The following NOS1 variants were observed in gnomAD, a reference collection of about 807,000 sequenced individuals.
NOS1 encodes the protein NOS type I.
In NOS1, 51 loss-of-function variants were observed where a neutral mutation model predicts 164.5. The observed-to-expected ratio is 0.31, with a 90% CI of 0.25 to 0.39. NOS1 has a LOEUF of 0.39. NOS1 is among the 10% of genes least tolerant of loss of function. The pLI, the probability that NOS1 is intolerant of heterozygous loss-of-function variation, is 1.00. For missense variants in NOS1, 1,362 were observed against 1,885.6 expected, an observed-to-expected ratio of 0.72 and a Z score of 5.14; for synonymous variants, 719 against 745.8, an observed-to-expected ratio of 0.96 and a Z score of 0.59.
chr12:117,253,187 A>T (rs1871217063), intron 17 of NOS1, among the ~76,000 whole-genome samples: 1 of 152,032 alleles, frequency 6.6e-6, no homozygotes, highest in African/African-American at 2.4e-5. Context: ...ATCTCTGGAG[A>T]TGGGTCTTGG....
chr12:117,234,729 G>C lies in NOS1; in HGVS notation c.3071C>G (p.Thr1024Ser), dbSNP rs1432951159. Residue 1024 changes from threonine to serine, a missense_variant, in exon 21 of 29, where the codon ACC becomes AGC. Thr to Ser is a moderately conservative substitution (Grantham distance 58, BLOSUM62 1). Transcript: ENST00000317775. This position sits in a 1 kb window ranked among gnomAD's most constrained non-coding sequence, Gnocchi z 4.3. ...GTACTGCAGCTCCTGGCTCCCGTTG[G>C]TGTGGAGACGCACGAAGATAGTTGA... ...SRSTIFVRLHTNGSQELQYQP... is the reference protein window; with the variant it reads ...SRSTIFVRLHSNGSQELQYQP... The C allele has an allele frequency of 6.2e-7, 1 of 1,613,230 alleles. No homozygotes were observed. Among genetic ancestry groups the C allele is most frequent in the Non-Finnish European group, 8.5e-7 (1 of 1,179,516 alleles).
Position 117,209,825 on chromosome 12 carries a change from G to A in NOS1, c.*5484C>T. ...ACTGGCAGTGGGCCAAGGATAGGGA[G>A]TGTGAGATAAAGGGCAGAGGCCAGG... On this transcript the variant is annotated 3_prime_UTR_variant, in exon 29 of 29. Transcript: ENST00000317775. 3 of 985,478 alleles carry A rather than the reference G, an allele frequency of 3.0e-6. No individual in the cohort carries two copies. Among genetic ancestry groups the A allele is most frequent in the East Asian group, 1.1e-4 (1 of 8,812 alleles). 61.0% of individuals were successfully genotyped at this position (985,478 alleles called of 1,614,324 possible). A position where few individuals can be genotyped will look rare whatever the true frequency, so the allele number is the denominator to read the frequency against.
chr12:117,214,049 G>A lies in NOS1; in HGVS notation c.*1260C>T, dbSNP rs549913336. On this transcript the variant is annotated 3_prime_UTR_variant, in exon 29 of 29. Transcript: ENST00000317775. ...AACTGCAGAGGGCAACAAGCCTGAGGGACAAGTTCTTCCCACCCCAAGTTG... is the reference window on the plus strand; with the variant it reads ...AACTGCAGAGGGCAACAAGCCTGAGAGACAAGTTCTTCCCACCCCAAGTTG... 3.6e-5 allele frequency: 35 copies of A among 985,402 alleles called. No individual in the cohort carries two copies. In the African/African-American group the frequency reaches 6.1e-4, roughly 17 times the overall value. The allele number at this position is 985,402 out of a possible 1,614,324, so 61.0% of individuals were successfully genotyped here.
chr12:117,248,624 C>T (rs1448011578), intron 17 of NOS1, among the ~76,000 whole-genome samples: 1 of 151,844 alleles, frequency 6.6e-6, no homozygotes, highest in East Asian at 1.9e-4. Flanking sequence ...GGTTCCAAGT[C>T]TTTGCTATTG....
In NOS1 at chr12:117,330,200, G is replaced by GTA; in HGVS notation, c.725+144_725+145insTA. The GTA allele has an allele frequency of 7.6e-7, 1 of 1,310,850 alleles. No homozygotes were observed. Among genetic ancestry groups the GTA allele is most frequent in the South Asian group, 1.9e-5 (1 of 52,388 alleles). 81.2% of individuals were successfully genotyped at this position (1,310,850 alleles called of 1,614,324 possible). A position where few individuals can be genotyped will look rare whatever the true frequency, so the allele number is the denominator to read the frequency against. On this transcript the variant is annotated intron_variant, in intron 2 of 28. Coordinates refer to ENST00000317775, the MANE Select transcript of NOS1 (RefSeq NM_000620.5). The surrounding 1 kb of genome is among the most constrained non-coding windows in gnomAD (Gnocchi z 4.6). ...ATTTTAAGTGAAGATCAAGGGGGCC[G>GTA]TCAAGTGGTTATGCAAAAACAGGTA...
chr12:117,301,438 T>A (rs925841438), intron 3 of NOS1, among the ~76,000 whole-genome samples: 1 of 152,230 alleles, frequency 6.6e-6, no homozygotes, highest in Admixed American at 6.5e-5. Context: ...CATTTCATTT[T>A]GAGTAACATT....
intron 6 of NOS1, among the ~76,000 whole-genome samples, chr12:117,285,687 C>A (rs983315923): frequency 6.6e-5 from 10 of 152,034 alleles, no homozygotes; most frequent in Non-Finnish European, 1.3e-4. Context: ...TCAAACAAAA[C>A]CCCCCTGATC....
chr12:117,220,231 C>T lies in NOS1; in HGVS notation c.4014G>A (p.Glu1338=), dbSNP rs777356915. The change falls in exon 27 of 29, where the codon GAG becomes GAA. Residue 1338 remains glutamate (E), a synonymous_variant. Transcript: ENST00000317775. ...VQDILQEQLA[E]SVYRALKEQG... Reference sequence around the variant, plus strand: ...GCTCCTTCAGGGCTCGGTACACAGACTCCGCCAGCTGCTCCTGCAGGATGT... The same window carrying T: ...GCTCCTTCAGGGCTCGGTACACAGATTCCGCCAGCTGCTCCTGCAGGATGT... 1 of 1,612,470 alleles carries T rather than the reference C, an allele frequency of 6.2e-7. No individual in the cohort carries two copies. The highest frequency in any genetic ancestry group is 1.3e-5 in the African/African-American group (1 of 74,934).
At chr12:117,307,363 G>A (rs1195230655) in intron 3 of NOS1, among the ~76,000 whole-genome samples, 1 of 151,544 alleles carries the variant, frequency 6.6e-6, no homozygotes, top group Non-Finnish European at 1.5e-5. Context: ...GCTTTTTTTT[G>A]TTTTGTTTTT....
Position 117,213,870 on chromosome 12 carries a change from T to C in NOS1, c.*1439A>G. ...TATACAAAGGGATCCCTTCCCACCA[T>C]TTACTCTGAGAGAGTAAATTCAACA... On this transcript the variant is annotated 3_prime_UTR_variant, in exon 29 of 29. Transcript: ENST00000317775. The C allele has an allele frequency of 1.0e-6, 1 of 985,380 alleles. No individual in the cohort carries two copies. The allele number at this position is 985,380 out of a possible 1,614,324, so 61.0% of individuals were successfully genotyped here.
intron 4 of NOS1, among the ~76,000 whole-genome samples, chr12:117,289,166 T>G (rs912080811): frequency 2.6e-5 from 4 of 152,176 alleles, no homozygotes; most frequent in Non-Finnish European, 5.9e-5. Context: ...ATTAAAAATA[T>G]GAAATAAAAA....
At chr12:117,257,875 G>T (rs1427679593) in intron 16 of NOS1, among the ~76,000 whole-genome samples, 5 of 150,014 alleles carry the variant, frequency 3.3e-5, no homozygotes, top group African/African-American at 9.9e-5. Flanking sequence ...TGCGATCTTG[G>T]CTCACTGCAA....
Position 117,208,295 on chromosome 12 carries a change from A to T in NOS1, c.*7014T>A. On this transcript the variant is annotated 3_prime_UTR_variant, in exon 29 of 29. Coordinates refer to ENST00000317775, the MANE Select transcript of NOS1 (RefSeq NM_000620.5). The stretch of plus-strand genomic sequence containing the variant: ...TCGCAAAGAGCGTGGGGTGGGCGTC[A>T]GTCCTTCAAGGAAGGTGCTGGAGCA... 7.8e-7 allele frequency: 1 copy of T among 1,289,100 alleles called. No homozygotes were observed. Among genetic ancestry groups the T allele is most frequent in the Non-Finnish European group, 1.0e-6 (1 of 988,650 alleles). 79.9% of individuals were successfully genotyped at this position (1,289,100 alleles called of 1,614,324 possible).
intron 10 of NOS1, among the ~76,000 whole-genome samples, chr12:117,268,876 C>T (rs41455345): frequency 0.023 from 3,447 of 152,084 alleles, 90 homozygotes; most frequent in African/African-American, 0.056. Context: ...GGATTACAGG[C>T]GTGAGCCACC....
At chr12:117,255,745 C>T (rs886762608) in intron 16 of NOS1, among the ~76,000 whole-genome samples, 7 of 152,176 alleles carry the variant, frequency 4.6e-5, no homozygotes, top group Non-Finnish European at 7.3e-5. Context: ...TCTCCCCATT[C>T]GGCAGATGAG....
intron 3 of NOS1, among the ~76,000 whole-genome samples, chr12:117,296,528 G>A (rs1275469678): frequency 1.3e-5 from 2 of 152,300 alleles, no homozygotes; most frequent in Non-Finnish European, 1.5e-5. Flanking sequence ...TGCTTCCTGC[G>A]CTTGAACATT....
chr12:117,289,784 GTTC>G lies in NOS1; in HGVS notation c.981+511_981+513del, dbSNP rs533135599. Among the ~76,000 whole-genome samples, 1,317 of 152,224 alleles carry G rather than the reference GTTC, an allele frequency of 8.7e-3. 22 individuals carry two copies. Among genetic ancestry groups the G allele is most frequent in the East Asian group, 0.049 (255 of 5,174 alleles). On this transcript the variant is annotated intron_variant, in intron 4 of 28. Transcript: ENST00000317775. ...TCTGGGAGGGAGAGTTTTTGTGTCT[GTTC>G]CCATATATTTTCTTGCAGCTGCAGG... is the stretch of plus-strand genomic sequence containing the variant.
At chr12:117,232,569 A>G (rs1869334270) in intron 21 of NOS1, among the ~76,000 whole-genome samples, 2 of 152,152 alleles carry the variant, frequency 1.3e-5, no homozygotes, top group African/African-American at 2.4e-5. Context: ...AGTATTTTAT[A>G]TTAGCTCATT....
chr12:117,305,115 GC>G, intron 3 of NOS1: 1 of 969,290 alleles, frequency 1.0e-6, no homozygotes, highest in Non-Finnish European at 1.2e-6. Flanking sequence ...ACAATGCTAG[GC>G]CCCCTGTGGA....
Sources: gnomAD v4.1 joint callset for allele counts (sites outside exome capture counted in the v4.1 genomes callset) on GRCh38, gnomAD v4.1.1 for gene constraint, Gnocchi (gnomAD v3.1) non-coding constraint, MANE v1.5 for transcripts, NCBI Gene and HGNC (gene_info 2026-07-23, HGNC 2026-07-21) for gene names.